Variants in MED15 observed in about 807,000 individuals in gnomAD.
MED15 encodes mediator complex subunit 15, also known as mediator of RNA polymerase II transcription subunit 15.
In MED15, 41 loss-of-function variants were observed where a neutral mutation model predicts 118.7. The ratio of observed to expected loss-of-function variants is 0.35; its 90% CI spans 0.27 to 0.45. MED15 has a LOEUF of 0.45. MED15 is among the 20% of genes least tolerant of loss of function. The pLI is 1.00. For synonymous variants in MED15, 436 were observed against 413.9 expected, an observed-to-expected ratio of 1.05 and a Z score of -0.65; for missense variants, 740 against 1,025.5, an observed-to-expected ratio of 0.72 and a Z score of 3.80.
At chr22:20,578,271 A>G (rs193095812) in intron 9 of MED15, among the ~76,000 whole-genome samples, 385 of 152,334 alleles carry the variant, frequency 2.5e-3, no homozygotes, top group African/African-American at 9.0e-3. Flanking sequence ...GTTAGCTGCA[A>G]GAAAGGAAAC....
chr22:20,553,119 G>T (rs376469060), intron 3 of MED15, 26 bp from the exon 4 acceptor site: 1 of 1,601,492 alleles, frequency 6.2e-7, no homozygotes, highest in Admixed American at 1.7e-5. Flanking sequence ...GTTTACTTTC[G>T]TTTTTTTGTT....
At chr22:20,508,709 T>G (rs28733139) in intron 1 of MED15, among the ~76,000 whole-genome samples, 1 of 152,098 alleles carries the variant, frequency 6.6e-6, no homozygotes, top group Non-Finnish European at 1.5e-5. Context: ...ATCACAATGG[T>G]GGAATGTCAT....
chr22:20,533,432 T>TA (rs2054931518), intron 1 of MED15, among the ~76,000 whole-genome samples: 1 of 152,226 alleles, frequency 6.6e-6, no homozygotes, highest in Admixed American at 6.5e-5. Context: ...TTTTCAAAAA[T>TA]ACAGTTGTCA....
intron 1 of MED15, among the ~76,000 whole-genome samples, chr22:20,514,010 G>T (rs1229807984): frequency 2.0e-5 from 3 of 152,056 alleles, no homozygotes; most frequent in Admixed American, 2.0e-4. Flanking sequence ...TACTACAGAC[G>T]CATGCCACCA....
At chr22:20,523,260 G>A (rs1392111423) in intron 1 of MED15, among the ~76,000 whole-genome samples, 1 of 152,078 alleles carries the variant, frequency 6.6e-6, no homozygotes, top group Non-Finnish European at 1.5e-5. Flanking sequence ...ATGGAGTCTG[G>A]CTGGGACCTG....
intron 1 of MED15, among the ~76,000 whole-genome samples, chr22:20,517,202 T>C (rs116207194): frequency 5.4e-4 from 82 of 151,964 alleles, no homozygotes; most frequent in African/African-American, 1.9e-3. Flanking sequence ...CCTCCCAAAG[T>C]GTTGGATTAC....
intron 13 of MED15, chr22:20,583,821 T>C (rs2057058694): frequency 4.3e-6 from 1 of 233,678 alleles, no homozygotes; most frequent in African/African-American, 2.2e-5. Flanking sequence ...TGAAACAAGG[T>C]GGCGCTGGTG....
At position 20,575,161 on chromosome 22, in the gene MED15, T is replaced by C. The variant is rs2056785570; in HGVS notation, c.1201T>C (p.Phe401Leu). 6.2e-7 allele frequency: 1 copy of C among 1,614,170 alleles called. No homozygotes were observed. Among genetic ancestry groups the C allele is most frequent in the Non-Finnish European group, 8.5e-7 (1 of 1,180,020 alleles). ...AGGTGGGATGCACATAAGAGCCCGG[T>C]TCCCGCCTACCACCGCTGTGTCCGC... ...AQGGMHIRAR[F>L]PPTTAVSAIP... The change falls in exon 9 of 18, where the codon TTC (phenylalanine) becomes CTC (leucine). Residue 401 changes from phenylalanine to leucine, a missense_variant. Phe to Leu is a conservative substitution (Grantham distance 22). Around this residue, in one of 7 missense-constraint regions of MED15, gnomAD observed 384 missense variants for 506.3 expected, o/e 0.76. Coordinates refer to ENST00000263205, the MANE Select transcript of MED15 (RefSeq NM_001003891.3).
chr22:20,567,238 A>T (rs2056477192), intron 7 of MED15, among the ~76,000 whole-genome samples: 1 of 151,848 alleles, frequency 6.6e-6, no homozygotes, highest in Admixed American at 6.6e-5. Flanking sequence ...TTTCCTTTAC[A>T]CTCTGCCAAG....
chr22:20,575,368 C>CTTT, intron 9 of MED15, 136 bp downstream of exon 9: 35 of 882,744 alleles, frequency 4.0e-5, no homozygotes, highest in Non-Finnish European at 4.9e-5. Flanking sequence ...CCCACAGTCC[C>CTTT]TTTTTTTTTT....
At chr22:20,525,881 G>A (rs900223638) in intron 1 of MED15, among the ~76,000 whole-genome samples, 1 of 151,494 alleles carries the variant, frequency 6.6e-6, no homozygotes, top group Admixed American at 6.6e-5. Flanking sequence ...ATTTCTCTAC[G>A]ACACTCTTTA....
At chr22:20,558,190 C>T (rs1173384770) in intron 5 of MED15, among the ~76,000 whole-genome samples, 7 of 152,190 alleles carry the variant, frequency 4.6e-5, no homozygotes, top group Non-Finnish European at 1.0e-4. Context: ...CCCTGCCCTT[C>T]ACCACTTGCC....
rs1369976010 is a variant in MED15 at position 20,508,283 on chromosome 22, G to A, written c.68+537G>A. On this transcript the variant is annotated intron_variant, in intron 1 of 17. Transcript: ENST00000263205. ...GGACTTTGCCGAAGGATGGCAGGAAGCCGCTGTCAGGAAGCGATCGTCGTT... is the reference window on the plus strand; with the variant it reads ...GGACTTTGCCGAAGGATGGCAGGAAACCGCTGTCAGGAAGCGATCGTCGTT... 7 of 1,299,478 alleles carry A rather than the reference G, an allele frequency of 5.4e-6. No homozygotes were observed. In the South Asian group the frequency reaches 6.2e-5, roughly 11 times the overall value. The allele number at this position is 1,299,478 out of a possible 1,614,324, so 80.5% of individuals were successfully genotyped here.
rs373000520 is a variant in MED15 at position 20,584,344 on chromosome 22, CCT to C, written c.1737-6_1737-5del. 1 of 1,612,950 alleles carries C rather than the reference CCT, an allele frequency of 6.2e-7. No homozygotes were observed. Among genetic ancestry groups the C allele is most frequent in the Non-Finnish European group, 8.5e-7 (1 of 1,179,210 alleles). Reference sequence around the variant, plus strand: ...TGTCTTCCACTCTTTCAGCCCAAGTCCTCTCTCTCTGCAGGTGTCCCCTGAAG... The same window carrying C: ...TGTCTTCCACTCTTTCAGCCCAAGTCCTCTCTCTGCAGGTGTCCCCTGAAG... On this transcript the variant is annotated splice_polypyrimidine_tract_variant and intron_variant, in intron 13 of 17. Transcript: ENST00000263205.
chr22:20,569,280 C>A (rs2056556966), intron 8 of MED15, among the ~76,000 whole-genome samples: 1 of 152,130 alleles, frequency 6.6e-6, no homozygotes, highest in South Asian at 2.1e-4. Flanking sequence ...TTCCTATAAC[C>A]CCTCCTCTCC....
Position 20,582,340 on chromosome 22 carries a change from C to G in MED15, c.1273-271C>G, listed in dbSNP as rs533947190. On this transcript the variant is annotated intron_variant, in intron 9 of 17. Transcript: ENST00000263205. ...CCCTTTTCCTCACACTCCCACGACA[C>G]AGCCCTCAAAGCCTGTGCCCCTGTG... The G allele has an allele frequency of 4.1e-5, 23 of 560,044 alleles. No homozygotes were observed. The East Asian group carries it at 7.2e-4, about 18-fold the overall frequency. 34.7% of individuals were successfully genotyped at this position (560,044 alleles called of 1,614,324 possible). A position where few individuals can be genotyped will look rare whatever the true frequency, so the allele number is the denominator to read the frequency against.
intron 9 of MED15, among the ~76,000 whole-genome samples, chr22:20,575,830 G>A (rs759608393): frequency 5.3e-5 from 8 of 151,814 alleles, no homozygotes; most frequent in Admixed American, 1.3e-4. Context: ...TTCTTCAGTC[G>A]CACCAAATAA....
intron 2 of MED15, among the ~76,000 whole-genome samples, chr22:20,546,512 T>G (rs982713781): frequency 2.1e-5 from 3 of 143,856 alleles, no homozygotes; most frequent in South Asian, 2.2e-4. Context: ...GTTTTTTTTG[T>G]TTTTTTTTTT....
intron 2 of MED15, among the ~76,000 whole-genome samples, chr22:20,540,689 G>A (rs2055262048): frequency 6.6e-6 from 1 of 152,054 alleles, no homozygotes; most frequent in African/African-American, 2.4e-5. Flanking sequence ...CTTGGATTAG[G>A]CAGTAGTTTC....
Sources: gnomAD v4.1 joint callset for allele counts (sites outside exome capture counted in the v4.1 genomes callset) on GRCh38, gnomAD v4.1.1 for gene constraint, gnomAD v4.1.1 regional missense constraint, MANE v1.5 for transcripts, NCBI Gene and HGNC (gene_info 2026-07-23, HGNC 2026-07-21) for gene names.